Variants in SLC35F1 observed in about 807,000 individuals in gnomAD.
SLC35F1 encodes solute carrier family 35 member F1.
SLC35F1 carries 14 observed loss-of-function variants against 48.7 expected under a neutral mutation model. That is an observed-to-expected ratio of 0.29 (90% CI 0.19 to 0.45). SLC35F1 has a LOEUF of 0.45. SLC35F1 is among the 20% of genes least tolerant of loss of function. SLC35F1 has a pLI of 1.00. For missense variants in SLC35F1, 404 were observed against 500.0 expected (o/e 0.81, Z 1.83); for synonymous variants, 190 against 202.2 (o/e 0.94, Z 0.51).
intron 2 of SLC35F1, among the ~76,000 whole-genome samples, chr6:118,206,317 C>T (rs1774935209): frequency 6.6e-6 from 1 of 152,076 alleles, no homozygotes; most frequent in Non-Finnish European, 1.5e-5. Flanking sequence ...TGTTAACATG[C>T]TATCTTTAGA....
At chr6:117,937,328 A>G (rs1163348719) in intron 1 of SLC35F1, among the ~76,000 whole-genome samples, 4 of 152,330 alleles carry the variant, frequency 2.6e-5, no homozygotes, top group Admixed American at 2.0e-4. Flanking sequence ...TTAGATGCAC[A>G]TTGCAGGGAC....
intron 1 of SLC35F1, among the ~76,000 whole-genome samples, chr6:118,063,207 C>A (rs1442566861): frequency 6.6e-6 from 1 of 152,040 alleles, no homozygotes; most frequent in East Asian, 1.9e-4. Context: ...ACAGAAATAT[C>A]CTAAATTTTT....
intron 1 of SLC35F1, among the ~76,000 whole-genome samples, chr6:118,020,070 T>G (rs1443110167): frequency 6.6e-6 from 1 of 152,228 alleles, no homozygotes; most frequent in African/African-American, 2.4e-5. Flanking sequence ...AATGTTCATA[T>G]TATTTTTGTT....
chr6:118,117,153 C>T (rs1318215010), intron 1 of SLC35F1, among the ~76,000 whole-genome samples: 1 of 152,182 alleles, frequency 6.6e-6, no homozygotes, highest in Non-Finnish European at 1.5e-5. Context: ...CTGAGACCTG[C>T]AGCAGTTGAG....
intron 3 of SLC35F1, among the ~76,000 whole-genome samples, chr6:118,245,371 G>T (rs777734256): frequency 2.0e-5 from 3 of 152,172 alleles, no homozygotes; most frequent in Non-Finnish European, 2.9e-5. Flanking sequence ...ATCTGAGATG[G>T]TCTGTGGATT....
chr6:118,155,298 C>T (rs1774122484), intron 2 of SLC35F1, among the ~76,000 whole-genome samples: 1 of 152,094 alleles, frequency 6.6e-6, no homozygotes, highest in African/African-American at 2.4e-5. Context: ...GTTTGAATGT[C>T]CCCTCCAAAA....
At chr6:117,998,764 A>G (rs1270899565) in intron 1 of SLC35F1, among the ~76,000 whole-genome samples, 2 of 152,254 alleles carry the variant, frequency 1.3e-5, no homozygotes, top group African/African-American at 4.8e-5. Context: ...TCTCTGGGAC[A>G]CATTCAAAGC....
chr6:118,201,423 A>G (rs1027435447), intron 2 of SLC35F1, among the ~76,000 whole-genome samples: 1 of 152,236 alleles, frequency 6.6e-6, no homozygotes, highest in Non-Finnish European at 1.5e-5. Flanking sequence ...ATAAGGTAGG[A>G]AGTTGTTATA....
intron 2 of SLC35F1, among the ~76,000 whole-genome samples, chr6:118,166,293 C>G (rs1774316739): frequency 6.6e-6 from 1 of 152,104 alleles, no homozygotes; most frequent in African/African-American, 2.4e-5. Context: ...TATCACAGAT[C>G]ATGAATGGAG....
chr6:118,206,338 A>G (rs1050588642), intron 2 of SLC35F1, among the ~76,000 whole-genome samples: 11 of 152,110 alleles, frequency 7.2e-5, no homozygotes, highest in Non-Finnish European at 1.0e-4. Context: ...AAAATTGTTC[A>G]CAGGGGGCCA....
intron 1 of SLC35F1, among the ~76,000 whole-genome samples, chr6:117,985,835 C>G (rs1432891356): frequency 6.6e-6 from 1 of 152,194 alleles, no homozygotes; most frequent in Non-Finnish European, 1.5e-5. Context: ...GGATATCTGT[C>G]TTAAAGTTAG....
intron 1 of SLC35F1, among the ~76,000 whole-genome samples, chr6:118,120,078 A>G (rs1013472802): frequency 6.6e-6 from 1 of 152,166 alleles, no homozygotes; most frequent in Non-Finnish European, 1.5e-5. Context: ...CCCACCTTCT[A>G]CAGTGCCTGG....
At chr6:118,266,548 T>A (rs1011136587) in intron 3 of SLC35F1, among the ~76,000 whole-genome samples, 10 of 152,214 alleles carry the variant, frequency 6.6e-5, no homozygotes, top group African/African-American at 2.2e-4. Flanking sequence ...TTTCTAATAA[T>A]TCATAAAACA....
intron 2 of SLC35F1, among the ~76,000 whole-genome samples, chr6:118,158,552 T>C (rs1774178626): frequency 6.6e-6 from 1 of 152,248 alleles, no homozygotes; most frequent in African/African-American, 2.4e-5. Flanking sequence ...TTTATAGTTT[T>C]AATCATGTAT....
intron 1 of SLC35F1, among the ~76,000 whole-genome samples, chr6:117,933,284 A>C (rs1776124041): frequency 6.6e-6 from 1 of 152,074 alleles, no homozygotes; most frequent in Non-Finnish European, 1.5e-5. Flanking sequence ...TCCCCTCCCT[A>C]CTGTTTGCTG....
intron 1 of SLC35F1, among the ~76,000 whole-genome samples, chr6:117,961,617 C>T (rs1250057047): frequency 1.3e-5 from 2 of 152,202 alleles, no homozygotes; most frequent in African/African-American, 4.8e-5. Flanking sequence ...CACAGTGTTT[C>T]CTGAAGGACC....
intron 1 of SLC35F1, among the ~76,000 whole-genome samples, chr6:117,951,121 A>G (rs1776358163): frequency 1.3e-5 from 2 of 152,210 alleles, no homozygotes; most frequent in African/African-American, 4.8e-5. Context: ...CATGAATGCA[A>G]TCTATGAAAA....
intron 2 of SLC35F1, among the ~76,000 whole-genome samples, chr6:118,227,746 A>G (rs1021205684): frequency 6.6e-6 from 1 of 152,194 alleles, no homozygotes; most frequent in Non-Finnish European, 1.5e-5. Context: ...AAAAGAATGA[A>G]AAGAAAAGTG....
intron 7 of SLC35F1, among the ~76,000 whole-genome samples, chr6:118,289,987 T>C (rs1449313826): frequency 6.6e-6 from 1 of 152,212 alleles, no homozygotes; most frequent in Non-Finnish European, 1.5e-5. Context: ...TTGTTTGTTT[T>C]GGGGGCCTGT....
Sources: allele counts gnomAD v4.1 joint callset (sites outside exome capture counted in the v4.1 genomes callset), GRCh38; gene constraint gnomAD v4.1.1; transcripts MANE v1.5; gene names NCBI Gene and HGNC (gene_info 2026-07-23, HGNC 2026-07-21).